Variants in DENND2A observed in about 807,000 individuals in gnomAD.
DENND2A encodes DENN domain-containing protein 2A.
In DENND2A, 53 loss-of-function variants were observed where a neutral mutation model predicts 105.3. The observed-to-expected ratio is 0.50, with a 90% CI of 0.40 to 0.63. The LOEUF is 0.63. Ranked by LOEUF, DENND2A falls within the 30% of genes least tolerant of loss-of-function variation. DENND2A has a pLI of 0.00. For missense variants in DENND2A, 1,138 were observed against 1,279.6 expected (o/e 0.89, Z 1.69); for synonymous variants, 522 against 508.4 (o/e 1.03, Z -0.36).
intron 5 of DENND2A, among the ~76,000 whole-genome samples, chr7:140,575,393 C>T (rs967207888): frequency 4.6e-5 from 7 of 152,160 alleles, no homozygotes; most frequent in Admixed American, 2.0e-4. Context: ...TCACTTGGCA[C>T]AGCTCTACGG....
chr7:140,558,433 T>G (rs1483159609), intron 10 of DENND2A, among the ~76,000 whole-genome samples: 1 of 152,096 alleles, frequency 6.6e-6, no homozygotes, highest in Non-Finnish European at 1.5e-5. Context: ...CAGTGGCTCA[T>G]GCCTGTAATC....
At chr7:140,576,510 A>G (rs780881735) in intron 5 of DENND2A, among the ~76,000 whole-genome samples, 8 of 152,296 alleles carry the variant, frequency 5.3e-5, no homozygotes, top group African/African-American at 9.6e-5. Context: ...GCTTTTCTTT[A>G]TCAACTTATG....
chr7:140,637,764 C>G (rs269248), intron 1 of DENND2A, among the ~76,000 whole-genome samples: 11,265 of 152,178 alleles, frequency 0.074, 1,348 homozygotes, highest in African/African-American at 0.25. Context: ...GTGCTATGCC[C>G]TACCTGTCCC....
intron 14 of DENND2A, chr7:140,544,298 G>A (rs1423679992): frequency 1.1e-5 from 5 of 447,508 alleles, no homozygotes; most frequent in East Asian, 4.5e-5. Context: ...AGGTTCAATC[G>A]ATTCCCGTGC....
At chr7:140,553,310 C>T (rs1797215418) in intron 12 of DENND2A, among the ~76,000 whole-genome samples, 1 of 152,210 alleles carries the variant, frequency 6.6e-6, no homozygotes, top group African/African-American at 2.4e-5. Flanking sequence ...TATGCATACA[C>T]ATAAACATCT....
intron 1 of DENND2A, among the ~76,000 whole-genome samples, chr7:140,609,013 A>G (rs1415399295): frequency 6.6e-6 from 1 of 152,224 alleles, no homozygotes; most frequent in East Asian, 1.9e-4. Flanking sequence ...CTCGCAAGAA[A>G]TCAAAGGGCT....
At chr7:140,610,290 GAAAA>G (rs576801972) in intron 1 of DENND2A, among the ~76,000 whole-genome samples, 1 of 100,276 alleles carries the variant, frequency 1.0e-5, no homozygotes, top group Non-Finnish European at 2.2e-5. Flanking sequence ...TAGTCTTAAG[GAAAA>G]AAAAAAAAAA....
chr7:140,623,106 G>A (rs1023716770), intron 1 of DENND2A, among the ~76,000 whole-genome samples: 2 of 151,594 alleles, frequency 1.3e-5, no homozygotes, highest in South Asian at 2.1e-4. Flanking sequence ...AGGCTGAGGC[G>A]GGCAGATTAC....
intron 14 of DENND2A, among the ~76,000 whole-genome samples, chr7:140,540,689 G>A (rs1796625551): frequency 6.6e-6 from 1 of 151,936 alleles, no homozygotes; most frequent in Admixed American, 6.6e-5. Flanking sequence ...TCTCTCAGAC[G>A]TCACTGGGGC....
At chr7:140,607,268 T>C (rs931169611) in intron 1 of DENND2A, among the ~76,000 whole-genome samples, 1 of 152,002 alleles carries the variant, frequency 6.6e-6, no homozygotes, top group African/African-American at 2.4e-5. Context: ...CTTCAAGACA[T>C]GCAGATAGCT....
Position 140,544,675 on chromosome 7 carries a change from C to T in DENND2A, c.2270G>A (p.Cys757Tyr), listed in dbSNP as rs750124447. The change falls in exon 14 of 20, where the codon TGT becomes TAT. Residue 757 changes from cysteine (C) to tyrosine (Y), a missense_variant. This residue lies in a region of DENND2A where 627 missense variants were observed against 779.8 expected (regional missense o/e 0.80). Transcript: ENST00000496613. ...FSSLSVRHLV[C>Y]VFASLLLERR... ...CTCCAGAAGCAGGGAGGCAAACACA[C>T]AGACCAGGTGGCGGACGCTGAGGGA... 6 of 1,613,988 alleles carry T rather than the reference C, an allele frequency of 3.7e-6. No individual in the cohort carries two copies. In the Admixed American group the frequency reaches 8.3e-5, roughly 22 times the overall value.
intron 8 of DENND2A, among the ~76,000 whole-genome samples, 157 bp from the exon 9 acceptor site, chr7:140,567,430 G>A (rs1797914159): frequency 6.6e-6 from 1 of 152,026 alleles, no homozygotes; most frequent in Non-Finnish European, 1.5e-5. Context: ...ATCAGCTCAA[G>A]TACTTTTTTC....
intron 12 of DENND2A, among the ~76,000 whole-genome samples, chr7:140,553,362 C>T (rs1393553009): frequency 5.9e-5 from 9 of 152,252 alleles, no homozygotes; most frequent in African/African-American, 2.2e-4. Context: ...ACCTCCAGCC[C>T]TAAGGCGGTT....
At chr7:140,582,176 G>T (rs1223011081) in intron 5 of DENND2A, among the ~76,000 whole-genome samples, 1 of 152,106 alleles carries the variant, frequency 6.6e-6, no homozygotes, top group East Asian at 1.9e-4. Flanking sequence ...TGTTGGCCAG[G>T]CTGGTCTCAA....
At chr7:140,598,622 AT>A (rs1799369670) in intron 3 of DENND2A, among the ~76,000 whole-genome samples, 1 of 152,200 alleles carries the variant, frequency 6.6e-6, no homozygotes, top group Admixed American at 6.5e-5. Context: ...ACACATATAT[AT>A]ACACACAAAC....
At chr7:140,634,029 C>T (rs184903920) in intron 1 of DENND2A, among the ~76,000 whole-genome samples, 176 of 149,344 alleles carry the variant, frequency 1.2e-3, no homozygotes, top group Admixed American at 0.01. Flanking sequence ...GACAGAGTCT[C>T]GCTCTGTCAC....
At chr7:140,631,358 C>T (rs987561678) in intron 1 of DENND2A, among the ~76,000 whole-genome samples, 10 of 152,094 alleles carry the variant, frequency 6.6e-5, no homozygotes, top group African/African-American at 1.9e-4. Flanking sequence ...GCCTGAACCT[C>T]GGGGTTGTGT....
chr7:140,578,182 G>C (rs1798386547), intron 5 of DENND2A, among the ~76,000 whole-genome samples: 1 of 152,206 alleles, frequency 6.6e-6, no homozygotes, highest in Non-Finnish European at 1.5e-5. Context: ...CCCTGCTGAA[G>C]CCTCTTCAGT....
chr7:140,602,382 A>C lies in DENND2A; in HGVS notation c.16T>G (p.Leu6Val). 1 of 1,576,468 alleles carries C rather than the reference A, an allele frequency of 6.3e-7. No homozygotes were observed. The highest frequency in any genetic ancestry group is 1.3e-5 in the African/African-American group (1 of 74,356). The part of the protein sequence containing the change: MDMFS[L>V]DMIISDPAAE... The stretch of plus-strand genomic sequence containing the variant: ...GCTGGGTCACTGATGATCATATCCA[A>C]GCTGAACATATCCATTCTTGACTCT... Residue 6 changes from leucine (L) to valine (V), a missense_variant, in exon 3 of 20, where the codon TTG (leucine) becomes GTG (valine). Coordinates refer to ENST00000496613, the MANE Select transcript of DENND2A (RefSeq NM_015689.5).
Sources: gnomAD v4.1 joint callset for allele counts (sites outside exome capture counted in the v4.1 genomes callset) on GRCh38, gnomAD v4.1.1 for gene constraint, gnomAD v4.1.1 regional missense constraint, MANE v1.5 for transcripts, NCBI Gene and HGNC (gene_info 2026-07-23, HGNC 2026-07-21) for gene names.